OSBPL2: variants seen among roughly 807,000 people sequenced by gnomAD.
OSBPL2 encodes oxysterol binding protein like 2, also known as oxysterol-binding protein-related protein 2.
OSBPL2 carries 18 observed loss-of-function variants against 58.4 expected under a neutral mutation model. The observed-to-expected ratio is 0.31, with a 90% CI of 0.21 to 0.46. OSBPL2 has a LOEUF of 0.46. Among genes scored for constraint, OSBPL2 ranks in the 20% least tolerant of loss-of-function variants. The probability of loss-of-function intolerance (pLI) is 1.00; values close to 1 mark genes in which losing one functional copy is unlikely to be tolerated. For missense variants in OSBPL2, 461 were observed against 616.5 expected (o/e 0.75, Z 2.67); for synonymous variants, 221 against 234.1 (o/e 0.94, Z 0.51).
intron 13 of OSBPL2, 117 bp from the exon 14 acceptor site, chr20:62,293,668 A>G (rs970967170): frequency 1.4e-5 from 12 of 831,738 alleles, no homozygotes; most frequent in Non-Finnish European, 2.2e-5. Flanking sequence ...CTGCATTTTA[A>G]AACCCACGTT....
intron 12 of OSBPL2, chr20:62,291,235 T>G: frequency 4.3e-6 from 1 of 233,946 alleles, no homozygotes; most frequent in Non-Finnish European, 8.6e-6. Flanking sequence ...TTCTCATGCT[T>G]TGTATTCAGA....
At position 62,288,680 on chromosome 20, in the gene OSBPL2, G is replaced by A. The variant is rs1016329214; in HGVS notation, c.1126-527G>A. 1.2e-4 allele frequency among the ~76,000 whole-genome samples: 18 copies of A among 152,154 alleles called. No homozygotes were observed. The highest frequency in any genetic ancestry group is 2.6e-4 in the Non-Finnish European group (18 of 68,016). On this transcript the variant is annotated intron_variant, in intron 11 of 13. Coordinates refer to ENST00000313733, the MANE Select transcript of OSBPL2 (RefSeq NM_144498.4). The surrounding 1 kb of genome is among the most constrained non-coding windows in gnomAD (Gnocchi z 4.8). ...CACAAGACGCCGAGCAGACAGCTGC[G>A]AGCCAGAAGTCAGGCAGAGCAAGGC...
At chr20:62,241,230 GCGCGAACTCGGCTCACTGCAAA>G (rs1394542366) in intron 1 of OSBPL2, among the ~76,000 whole-genome samples, 1 of 152,048 alleles carries the variant, frequency 6.6e-6, no homozygotes, top group East Asian at 1.9e-4. Context: ...GAGTGCAGTG[GCGCGAACTCGGCTCACTGCAAA>G]CGCGAACTCA....
At position 62,281,699 on chromosome 20, in the gene OSBPL2, G is replaced by A. The variant is rs559058876; in HGVS notation, c.783-91G>A. The A allele has an allele frequency of 1.0e-5, 9 of 902,312 alleles. No homozygotes were observed. The East Asian group carries it at 2.0e-4, about 20-fold the overall frequency. The allele number at this position is 902,312 out of a possible 1,614,324, so 55.9% of individuals were successfully genotyped here. The stretch of plus-strand genomic sequence containing the variant: ...TTGCAGTCACCCCCCGCCTGCCCCA[G>A]GGGCCTCCACCGCGCTTCTCCTGTT... On this transcript the variant is annotated intron_variant, in intron 8 of 13. Coordinates refer to ENST00000313733, the MANE Select transcript of OSBPL2 (RefSeq NM_144498.4).
intron 4 of OSBPL2, chr20:62,271,841 T>G: frequency 2.8e-6 from 1 of 360,338 alleles, no homozygotes; most frequent in Non-Finnish European, 5.1e-6. Context: ...GCAGTCTCTG[T>G]GTCTGGAATG....
Position 62,272,135 on chromosome 20 carries a change from A to C in OSBPL2, c.269A>C (p.Lys90Thr), listed in dbSNP as rs769121564. ...TCCCCATCTTTCCAGGAGCTGTCCA[A>C]GATCACGATGCCAATCGCCTTCAAC... ...LKKCVGLELSKITMPIAFNEP... is the reference protein window; with the variant it reads ...LKKCVGLELSTITMPIAFNEP... The change falls in exon 5 of 14, where the codon AAG (lysine) becomes ACG (threonine). Residue 90 changes from lysine (K) to threonine (T), a missense_variant. Physicochemically the swap from Lys to Thr is moderately conservative, Grantham distance 78. Coordinates refer to ENST00000313733, the MANE Select transcript of OSBPL2 (RefSeq NM_144498.4). 1 of 1,613,828 alleles carries C rather than the reference A, an allele frequency of 6.2e-7. No homozygotes were observed. Among genetic ancestry groups the C allele is most frequent in the Non-Finnish European group, 8.5e-7 (1 of 1,179,944 alleles).
chr20:62,284,149 C>T lies in OSBPL2; in HGVS notation c.976C>T (p.His326Tyr). Residue 326 changes from histidine (H) to tyrosine (Y), a missense_variant, in exon 10 of 14, where the codon CAC becomes TAC. By Grantham distance (83) the His-to-Tyr change is moderately conservative (BLOSUM62 2). Coordinates refer to ENST00000313733, the MANE Select transcript of OSBPL2 (RefSeq NM_144498.4). The stretch of plus-strand genomic sequence containing the variant: ...CAAGAAGCAGGAGAGGAGAGGTGAC[C>T]ACCTGAGAAAGGCCAAGCTGGTAAG... ...SFKKQERRGD[H>Y]LRKAKLDEDS... 1 of 1,614,110 alleles carries T rather than the reference C, an allele frequency of 6.2e-7. No homozygotes were observed. The highest frequency in any genetic ancestry group is 8.5e-7 in the Non-Finnish European group (1 of 1,180,008).
At chr20:62,281,388 T>A (rs1237402529) in intron 8 of OSBPL2, 1 of 556,042 alleles carries the variant, frequency 1.8e-6, no homozygotes, top group Non-Finnish European at 3.2e-6. Flanking sequence ...CGGTTGTTAC[T>A]TTAAGGCTTT....
chr20:62,293,639 T>C (rs1451902963), intron 13 of OSBPL2, 146 bp from the exon 14 acceptor site: 3 of 610,812 alleles, frequency 4.9e-6, no homozygotes, highest in South Asian at 4.3e-5. Flanking sequence ...TAATTCTCCG[T>C]TGAAGTTGTT....
chr20:62,292,962 G>A (rs1025690648), intron 13 of OSBPL2, among the ~76,000 whole-genome samples: 3 of 150,846 alleles, frequency 2.0e-5, no homozygotes, highest in Admixed American at 1.3e-4. Flanking sequence ...CCGCCCCTCC[G>A]GGTTCACACC....
chr20:62,245,996 G>A (rs555392922), intron 1 of OSBPL2, among the ~76,000 whole-genome samples: 10 of 152,360 alleles, frequency 6.6e-5, no homozygotes, highest in Admixed American at 3.9e-4. Flanking sequence ...CTGGCCTGGC[G>A]GTGTCCTTGA....
chr20:62,279,498 AC>A, intron 7 of OSBPL2, 159 bp downstream of exon 7: 1 of 692,548 alleles, frequency 1.4e-6, no homozygotes, highest in Non-Finnish European at 2.4e-6. Flanking sequence ...GAGCTTCCTG[AC>A]CAGGGTCCCG....
chr20:62,256,268 T>A (rs765657944), intron 2 of OSBPL2, 47 bp downstream of exon 2: 1 of 1,566,466 alleles, frequency 6.4e-7, no homozygotes, highest in Middle Eastern at 1.7e-4. Flanking sequence ...AGGGTGAACG[T>A]CCCTGGATTC....
At chr20:62,283,712 C>A (rs1037780849) in intron 9 of OSBPL2, among the ~76,000 whole-genome samples, 64 of 152,150 alleles carry the variant, frequency 4.2e-4, no homozygotes, top group African/African-American at 1.5e-3. Context: ...CCTGCAGCCC[C>A]CTGGACCAAC....
At chr20:62,280,559 C>T (rs1490133998) in intron 7 of OSBPL2, among the ~76,000 whole-genome samples, 1 of 152,246 alleles carries the variant, frequency 6.6e-6, no homozygotes, top group African/African-American at 2.4e-5. Flanking sequence ...GAACATAGGG[C>T]TGCTGATCTG....
At position 62,269,317 on chromosome 20, in the gene OSBPL2, C is replaced by T. The variant is rs188991381; in HGVS notation, c.259-2808C>T. On this transcript the variant is annotated intron_variant, in intron 4 of 13. Transcript: ENST00000313733. This position sits in a 1 kb window ranked among gnomAD's most constrained non-coding sequence, Gnocchi z 4.2. ...ATTTCTGATCTTTCATGGATCCAGC[C>T]GTGCGGCAGCAAAGAGCCCTGCATG... is the stretch of plus-strand genomic sequence containing the variant. 7.2e-5 allele frequency among the ~76,000 whole-genome samples: 11 copies of T among 152,278 alleles called. No homozygotes were observed. The highest frequency in any genetic ancestry group is 1.9e-4 in the African/African-American group (8 of 41,558).
chr20:62,264,019 C>T (rs1009551891), intron 4 of OSBPL2, among the ~76,000 whole-genome samples: 23 of 145,940 alleles, frequency 1.6e-4, no homozygotes, highest in African/African-American at 5.1e-4. Flanking sequence ...GAGCCGAGAT[C>T]GTGCCATTGC....
At chr20:62,290,070 G>A (rs1292225678) in intron 12 of OSBPL2, among the ~76,000 whole-genome samples, 4 of 152,310 alleles carry the variant, frequency 2.6e-5, no homozygotes, top group East Asian at 3.9e-4. Context: ...CGTGTGTGGC[G>A]TGTCCTGCAG....
At chr20:62,265,059 C>G (rs998587310) in intron 4 of OSBPL2, among the ~76,000 whole-genome samples, 4 of 152,192 alleles carry the variant, frequency 2.6e-5, no homozygotes, top group Non-Finnish European at 4.4e-5. Context: ...CTGCATTTCT[C>G]TTTGTAATCA....
Sources: allele counts gnomAD v4.1 joint callset (sites outside exome capture counted in the v4.1 genomes callset), GRCh38; gene constraint gnomAD v4.1.1; non-coding constraint Gnocchi (gnomAD v3.1); transcripts MANE v1.5; gene names NCBI Gene and HGNC (gene_info 2026-07-23, HGNC 2026-07-21).